The following FBXL2 variants were observed in gnomAD, a reference collection of about 807,000 sequenced individuals.
The protein encoded by FBXL2 is F-box and leucine rich repeat protein 2.
In FBXL2, 38 loss-of-function variants were observed where a neutral mutation model predicts 69.2. That is an observed-to-expected ratio of 0.55 (90% CI 0.42 to 0.72). FBXL2 has a LOEUF of 0.72. Ranked by LOEUF, FBXL2 falls within the 30% of genes least tolerant of loss-of-function variation. The pLI, the probability that FBXL2 is intolerant of heterozygous loss-of-function variation, is 0.00. For missense variants in FBXL2, 354 were observed against 520.3 expected (o/e 0.68, Z 3.11); for synonymous variants, 192 against 201.3 (o/e 0.95, Z 0.39).
intron 1 of FBXL2, among the ~76,000 whole-genome samples, chr3:33,282,412 GT>G (rs1255341394): frequency 1.3e-5 from 2 of 152,126 alleles, no homozygotes; most frequent in Admixed American, 1.3e-4. Flanking sequence ...GTATATATCT[GT>G]TTTGGTACCA....
chr3:33,356,855 T>C (rs1160833841), intron 2 of FBXL2, among the ~76,000 whole-genome samples: 1 of 152,200 alleles, frequency 6.6e-6, no homozygotes, highest in Non-Finnish European at 1.5e-5. Context: ...AGAGCCCACA[T>C]AGCGGCTCAC....
the FBXL2 span, among the ~76,000 whole-genome samples, chr3:33,410,681 T>A: frequency 2.6e-5 from 4 of 152,218 alleles, no homozygotes; most frequent in African/African-American, 9.6e-5. Flanking sequence ...CTATTTTTTT[T>A]AAACACAGAA....
At chr3:33,306,530 G>A (rs75672369) in intron 2 of FBXL2, among the ~76,000 whole-genome samples, 14,753 of 152,092 alleles carry the variant, frequency 0.097, 740 homozygotes, top group South Asian at 0.11. Context: ...AAAAAAAATT[G>A]TAAATCTTTG....
At chr3:33,356,866 A>G (rs1446400210) in intron 2 of FBXL2, among the ~76,000 whole-genome samples, 4 of 152,192 alleles carry the variant, frequency 2.6e-5, no homozygotes, top group African/African-American at 9.7e-5. Flanking sequence ...AGCGGCTCAC[A>G]TCTCTTAGAT....
At chr3:33,317,103 G>T (rs1217104258) in intron 2 of FBXL2, among the ~76,000 whole-genome samples, 1 of 151,986 alleles carries the variant, frequency 6.6e-6, no homozygotes, top group Non-Finnish European at 1.5e-5. Flanking sequence ...TCACTATGTT[G>T]CCCAGGCCAG....
At chr3:33,404,107 A>G (rs2044347282), downstream of FBXL2, among the ~76,000 whole-genome samples, 1 of 152,162 alleles carries the variant, frequency 6.6e-6, no homozygotes, top group African/African-American at 2.4e-5. Flanking sequence ...CCAAAAAATA[A>G]AAACAATAAA....
At chr3:33,321,503 T>G (rs1343526123) in intron 2 of FBXL2, among the ~76,000 whole-genome samples, 1 of 152,140 alleles carries the variant, frequency 6.6e-6, no homozygotes, top group Non-Finnish European at 1.5e-5. Context: ...TTGGCAAAAA[T>G]TAAGAAATGT....
intron 1 of FBXL2, among the ~76,000 whole-genome samples, chr3:33,287,521 A>T (rs968086080): frequency 1.3e-5 from 2 of 152,116 alleles, no homozygotes; most frequent in African/African-American, 4.8e-5. Flanking sequence ...TCGTTCTGCC[A>T]CCCAGGCTGG....
intron 2 of FBXL2, among the ~76,000 whole-genome samples, chr3:33,335,247 AT>A (rs1469208151): frequency 1.3e-5 from 2 of 152,248 alleles, no homozygotes; most frequent in African/African-American, 4.8e-5. Flanking sequence ...CATCACTAAC[AT>A]TTCCACAACT....
chr3:33,339,481 T>C lies in FBXL2; in HGVS notation c.66-19486T>C, dbSNP rs114692030. Among the ~76,000 whole-genome samples the C allele has an allele frequency of 9.3e-3, 1,409 of 152,278 alleles. 18 individuals are homozygous for C. The highest frequency in any genetic ancestry group is 0.032 in the African/African-American group (1,316 of 41,544). ...GAACCAAATACTGCATTTTTTTAAA[T>C]AAGTGAGAACTAAACATTGAGCATA... On this transcript the variant is annotated intron_variant, in intron 2 of 14. Transcript: ENST00000484457.
At chr3:33,398,706 C>T (rs530048296) in intron 12 of FBXL2, among the ~76,000 whole-genome samples, 1 of 152,194 alleles carries the variant, frequency 6.6e-6, no homozygotes, top group Non-Finnish European at 1.5e-5. Flanking sequence ...TCACTGCTCA[C>T]AGCGAAAGGG....
chr3:33,416,308 A>C, the FBXL2 span, among the ~76,000 whole-genome samples: 1 of 152,000 alleles, frequency 6.6e-6, no homozygotes. Flanking sequence ...CTAAAAGAAC[A>C]GGTTAGCTGG....
At chr3:33,413,256 G>A in the FBXL2 span, among the ~76,000 whole-genome samples, 1 of 152,090 alleles carries the variant, frequency 6.6e-6, no homozygotes, top group South Asian at 2.1e-4. Context: ...GTTAACAATT[G>A]AGTCTTCTGG....
chr3:33,283,291 A>C (rs999254162), intron 1 of FBXL2, among the ~76,000 whole-genome samples: 1 of 152,234 alleles, frequency 6.6e-6, no homozygotes. Context: ...CCTTTTCTGC[A>C]TCTATTGAGA....
chr3:33,312,770 G>A (rs2037325637), intron 2 of FBXL2, among the ~76,000 whole-genome samples: 1 of 151,934 alleles, frequency 6.6e-6, no homozygotes, highest in South Asian at 2.1e-4. Context: ...TGACTAGGAG[G>A]AAAAAGAGAC....
chr3:33,407,806 C>T (rs2154057009), downstream of FBXL2, among the ~76,000 whole-genome samples: 1 of 152,320 alleles, frequency 6.6e-6, no homozygotes, highest in Non-Finnish European at 1.5e-5. Context: ...ACAGTGAATA[C>T]AGCAGTCACG....
rs572499936 is a variant in FBXL2, at chr3:33,357,319, T to C, written c.66-1648T>C. Among the ~76,000 whole-genome samples, 15 of 152,316 alleles carry C rather than the reference T, an allele frequency of 9.8e-5. No individual in the cohort carries two copies. The East Asian group carries it at 1.9e-3, about 20-fold the overall frequency. Reference sequence around the variant, plus strand: ...GATTCTACTGTACCAGGCTAGTTTCTCTGTTTGGTGTTTGTTTCTGTAGGG... The same window carrying C: ...GATTCTACTGTACCAGGCTAGTTTCCCTGTTTGGTGTTTGTTTCTGTAGGG... On this transcript the variant is annotated intron_variant, in intron 2 of 14. Coordinates refer to ENST00000484457, the MANE Select transcript of FBXL2 (RefSeq NM_012157.5).
At chr3:33,422,178 G>A in the FBXL2 span, among the ~76,000 whole-genome samples, 1 of 152,194 alleles carries the variant, frequency 6.6e-6, no homozygotes, top group Non-Finnish European at 1.5e-5. Flanking sequence ...TAGACAAAGA[G>A]GTAGGGTGAA....
downstream of FBXL2, chr3:33,391,418 C>G (rs1312806753): frequency 6.6e-6 from 1 of 152,190 alleles, no homozygotes; most frequent in Non-Finnish European, 1.5e-5. Flanking sequence ...CATATTCTCT[C>G]CCTAAATGAC....
Sources: gnomAD v4.1 joint callset for allele counts (sites outside exome capture counted in the v4.1 genomes callset) on GRCh38, gnomAD v4.1.1 for gene constraint, MANE v1.5 for transcripts, NCBI Gene and HGNC (gene_info 2026-07-23, HGNC 2026-07-21) for gene names.